Variants in SLCO3A1 observed in about 807,000 individuals in gnomAD.
SLCO3A1 encodes the protein PGE1 transporter.
In SLCO3A1, 27 loss-of-function variants were observed where a neutral mutation model predicts 63.1. The ratio of observed to expected loss-of-function variants is 0.43; its 90% CI spans 0.32 to 0.59. The LOEUF is 0.59. SLCO3A1 is among the 20% of genes least tolerant of loss of function. The probability of loss-of-function intolerance (pLI) is 0.09; values close to 1 mark genes in which losing one functional copy is unlikely to be tolerated. For synonymous variants in SLCO3A1, 473 were observed against 409.9 expected, an observed-to-expected ratio of 1.15 and a Z score of -1.86; for missense variants, 773 against 945.8, an observed-to-expected ratio of 0.82 and a Z score of 2.40.
At chr15:92,170,679 G>T (rs1400880919), downstream of SLCO3A1, among the ~76,000 whole-genome samples, 1 of 152,208 alleles carries the variant, frequency 6.6e-6, no homozygotes, top group Non-Finnish European at 1.5e-5. Context: ...TCATAGAGAA[G>T]TGAGCCAGGA....
chr15:92,071,306 G>C (rs2047213114), intron 2 of SLCO3A1, among the ~76,000 whole-genome samples: 1 of 152,196 alleles, frequency 6.6e-6, no homozygotes, highest in African/African-American at 2.4e-5. Context: ...GAGGCCCACT[G>C]TCTGCAGGGC....
intron 7 of SLCO3A1, 28 bp from the exon 8 acceptor site, chr15:92,146,956 A>C (rs777192559): frequency 1.5e-5 from 24 of 1,570,536 alleles, no homozygotes; most frequent in Middle Eastern, 3.4e-4. Context: ...GTACCCCCAG[A>C]TAAAAGGGCT....
At chr15:92,140,082 T>G (rs1469235780) in intron 7 of SLCO3A1, among the ~76,000 whole-genome samples, 4,129 of 66,732 alleles carry the variant, frequency 0.062, no homozygotes, top group African/African-American at 0.088. Flanking sequence ...GGTGTCAATT[T>G]TGGATCTTTC....
At chr15:91,908,051 C>T (rs1001925222) in intron 1 of SLCO3A1, among the ~76,000 whole-genome samples, 1 of 152,120 alleles carries the variant, frequency 6.6e-6, no homozygotes. Context: ...GCCTTTCTCT[C>T]CCTCATTTGG....
rs556314311 is a variant in SLCO3A1, at chr15:91,914,567, CTTTTTTTTTT to C, written c.181-1416_181-1407del. 1.7e-3 allele frequency among the ~76,000 whole-genome samples: 207 copies of C among 122,248 alleles called. 2 individuals carry two copies. Among genetic ancestry groups the C allele is most frequent in the African/African-American group, 6.0e-3 (194 of 32,448 alleles). 80.2% of individuals were successfully genotyped at this position (122,248 alleles called of 152,430 possible). On this transcript the variant is annotated intron_variant, in intron 1 of 9. Transcript: ENST00000318445. ...CCCCACCTTTCCAACTATTTTCTTC[CTTTTTTTTTT>C]TTTTTTTTTGGAAGCAAGGTCTCGC...
At chr15:91,965,113 G>A (rs1397754514) in intron 2 of SLCO3A1, among the ~76,000 whole-genome samples, 1 of 151,584 alleles carries the variant, frequency 6.6e-6, no homozygotes, top group Non-Finnish European at 1.5e-5. Context: ...GATGATTAGG[G>A]TTTTTAGAAT....
chr15:92,000,870 G>C (rs1432676309), intron 2 of SLCO3A1, among the ~76,000 whole-genome samples: 1 of 152,322 alleles, frequency 6.6e-6, no homozygotes, highest in South Asian at 2.1e-4. Flanking sequence ...CTCAGCTGCT[G>C]TTGCCTTGGC....
At chr15:92,171,828 A>G in exon 11 of SLCO3A1, 1 of 1,551,568 alleles carries the variant, frequency 6.4e-7, no homozygotes, top group Non-Finnish European at 8.7e-7. Flanking sequence ...CCCGAATCAC[A>G]TTCACCTTCA....
chr15:91,938,861 G>A (rs988163670), intron 2 of SLCO3A1, among the ~76,000 whole-genome samples: 22 of 152,110 alleles, frequency 1.4e-4, no homozygotes, highest in African/African-American at 4.6e-4. Context: ...GGTTAATCAG[G>A]GGAAAAAGCA....
Position 92,163,285 on chromosome 15 carries a change from CT to C in SLCO3A1, c.*155del. 1 of 1,309,240 alleles carries C rather than the reference CT, an allele frequency of 7.6e-7. No individual in the cohort carries two copies. The highest frequency in any genetic ancestry group is 9.7e-7 in the Non-Finnish European group (1 of 1,033,898). The allele number at this position is 1,309,240 out of a possible 1,614,324, so 81.1% of individuals were successfully genotyped here. A position where few individuals can be genotyped will look rare whatever the true frequency, so the allele number is the denominator to read the frequency against. ...CGCAGACAGACACACCGACTTTGTC[CT>C]TTTTCTCAGCATCAGAGCCAGACAG... On this transcript the variant is annotated 3_prime_UTR_variant, in exon 10 of 10. Transcript: ENST00000318445.
intron 2 of SLCO3A1, among the ~76,000 whole-genome samples, chr15:91,922,974 G>T (rs1184216369): frequency 1.3e-5 from 2 of 152,094 alleles, no homozygotes; most frequent in Non-Finnish European, 2.9e-5. Context: ...CATAACTCAT[G>T]CCCTGTGGTT....
At chr15:92,150,600 G>A (rs755422090) in intron 8 of SLCO3A1, among the ~76,000 whole-genome samples, 4 of 151,778 alleles carry the variant, frequency 2.6e-5, no homozygotes, top group Non-Finnish European at 5.9e-5. Context: ...CCCCCCATAC[G>A]TGTACCCCAC....
At chr15:91,925,923 G>T (rs1379583902) in intron 2 of SLCO3A1, among the ~76,000 whole-genome samples, 1 of 152,190 alleles carries the variant, frequency 6.6e-6, no homozygotes, top group African/African-American at 2.4e-5. Context: ...ATCTACAGCT[G>T]CCAGGTTTCT....
chr15:92,114,771 A>T (rs1368049577), intron 4 of SLCO3A1, among the ~76,000 whole-genome samples: 3 of 152,156 alleles, frequency 2.0e-5, no homozygotes, highest in African/African-American at 7.2e-5. Flanking sequence ...AACAACTTTT[A>T]TAGATTCAAG....
chr15:92,091,488 T>G (rs973254112), intron 2 of SLCO3A1, among the ~76,000 whole-genome samples: 5 of 152,120 alleles, frequency 3.3e-5, no homozygotes, highest in African/African-American at 1.2e-4. Flanking sequence ...CAGGATGAAT[T>G]AAGGGGGAAA....
At chr15:92,150,532 C>T (rs1317509576) in intron 8 of SLCO3A1, among the ~76,000 whole-genome samples, 1 of 152,118 alleles carries the variant, frequency 6.6e-6, no homozygotes, top group African/African-American at 2.4e-5. Context: ...TAAAGGTGCT[C>T]ATGGTTTCAG....
chr15:91,913,568 C>G (rs919898687), intron 1 of SLCO3A1, among the ~76,000 whole-genome samples: 6 of 150,084 alleles, frequency 4.0e-5, no homozygotes, highest in East Asian at 2.0e-4. Context: ...GAAAATGAGG[C>G]TAAGAGGAAT....
chr15:92,169,946 C>G (rs535219764), downstream of SLCO3A1, among the ~76,000 whole-genome samples: 37 of 152,260 alleles, frequency 2.4e-4, no homozygotes, highest in Admixed American at 1.2e-3. Context: ...AATAGTGACT[C>G]AGGTCAACAA....
At chr15:92,120,323 C>G in intron 4 of SLCO3A1, 142 bp from the exon 5 acceptor site, 1 of 754,646 alleles carries the variant, frequency 1.3e-6, no homozygotes, top group Non-Finnish European at 2.1e-6. Flanking sequence ...AGATTTTGGC[C>G]TTAGCAACTG....
Sources: allele counts gnomAD v4.1 joint callset (sites outside exome capture counted in the v4.1 genomes callset), GRCh38; gene constraint gnomAD v4.1.1; transcripts MANE v1.5; gene names NCBI Gene and HGNC (gene_info 2026-07-23, HGNC 2026-07-21).